Variants in SVEP1 observed in about 807,000 individuals in gnomAD.
SVEP1 encodes the protein sushi, von Willebrand factor type A, EGF and pentraxin domain containing 1.
In SVEP1, 164 loss-of-function variants were observed where a neutral mutation model predicts 367.3. That is an observed-to-expected ratio of 0.45 (90% CI 0.39 to 0.51). The LOEUF (loss-of-function observed/expected upper bound fraction) is 0.51, where lower values mean the gene tolerates loss of function less well. SVEP1 is among the 20% of genes least tolerant of loss of function. The pLI is 0.00. For synonymous variants in SVEP1, 1,666 were observed against 1,611.6 expected, an observed-to-expected ratio of 1.03 and a Z score of -0.81; for missense variants, 4,117 against 4,425.3, an observed-to-expected ratio of 0.93 and a Z score of 1.98.
At chr9:110,573,163 T>C (rs944139237) in intron 1 of SVEP1, among the ~76,000 whole-genome samples, 27 of 150,410 alleles carry the variant, frequency 1.8e-4, no homozygotes, top group Middle Eastern at 3.2e-3. Flanking sequence ...ATTACATAAG[T>C]ACCCCCACCC....
At chr9:110,564,136 A>G (rs1458153841) in intron 1 of SVEP1, among the ~76,000 whole-genome samples, 1 of 152,184 alleles carries the variant, frequency 6.6e-6, no homozygotes. Flanking sequence ...AAATAATTTA[A>G]TGCTATGCTT....
At chr9:110,378,667 C>G (rs1270570184) in intron 44 of SVEP1, among the ~76,000 whole-genome samples, 2 of 144,686 alleles carry the variant, frequency 1.4e-5, no homozygotes, top group Admixed American at 7.2e-5. Context: ...ACATGAAGTC[C>G]TTGCCCATGC....
chr9:110,425,283 G>T (rs148139046), intron 36 of SVEP1, among the ~76,000 whole-genome samples: 12 of 152,172 alleles, frequency 7.9e-5, no homozygotes, highest in Non-Finnish European at 1.3e-4. Flanking sequence ...TTATTGAAAT[G>T]TCATCACTTT....
intron 6 of SVEP1, among the ~76,000 whole-genome samples, chr9:110,501,121 AAAT>A (rs1829522809): frequency 6.8e-6 from 1 of 148,016 alleles, no homozygotes; most frequent in African/African-American, 2.4e-5. Flanking sequence ...ATAAATTATA[AAAT>A]AATACATATA....
intron 42 of SVEP1, 71 bp from the exon 43 acceptor site, chr9:110,386,145 G>C: frequency 2.0e-6 from 3 of 1,521,522 alleles, no homozygotes; most frequent in Non-Finnish European, 2.7e-6. Context: ...TGAAGGTGGA[G>C]TAGTAGTCCT....
At position 110,548,062 on chromosome 9, in the gene SVEP1, C is replaced by T. The variant is rs962633596; in HGVS notation, c.788-1771G>A. ...CAGGAGCTGAAATTTGTTGATAGCACTCATAATTTCATAATCCCATCTGGC... is the reference window on the plus strand; with the variant it reads ...CAGGAGCTGAAATTTGTTGATAGCATTCATAATTTCATAATCCCATCTGGC... On this transcript the variant is annotated intron_variant, in intron 2 of 47. Coordinates refer to ENST00000374469, the MANE Select transcript of SVEP1 (RefSeq NM_153366.4). 2.6e-5 allele frequency among the ~76,000 whole-genome samples: 4 copies of T among 152,140 alleles called. No individual in the cohort carries two copies. The South Asian group carries it at 8.3e-4, about 32-fold the overall frequency.
At chr9:110,506,151 T>A (rs1829623806) in intron 5 of SVEP1, among the ~76,000 whole-genome samples, 1 of 152,184 alleles carries the variant, frequency 6.6e-6, no homozygotes, top group Non-Finnish European at 1.5e-5. Context: ...CATGAACTCA[T>A]CCTTTTCTAT....
At chr9:110,530,696 C>A (rs944048306) in intron 3 of SVEP1, among the ~76,000 whole-genome samples, 1 of 151,938 alleles carries the variant, frequency 6.6e-6, no homozygotes, top group East Asian at 1.9e-4. Flanking sequence ...ACCACAGTGA[C>A]CAGCTAATTT....
At chr9:110,463,975 A>G (rs1191107326) in intron 18 of SVEP1, among the ~76,000 whole-genome samples, 2 of 152,308 alleles carry the variant, frequency 1.3e-5, no homozygotes, top group East Asian at 3.9e-4. Flanking sequence ...GGGAATTATA[A>G]CTCCTTAATT....
At position 110,579,648 on chromosome 9, in the gene SVEP1, G is replaced by C; in HGVS notation, c.-105C>G. ...GAGGGGCGTGCGCGGAGCTGGGCGC[G>C]GGGCAGCGGCCAAGAGCCTCAGCGC... On this transcript the variant is annotated 5_prime_UTR_variant, in exon 1 of 48. Coordinates refer to ENST00000374469, the MANE Select transcript of SVEP1 (RefSeq NM_153366.4). The surrounding 1 kb of genome is among the most constrained non-coding windows in gnomAD (Gnocchi z 5.3). 4 of 1,338,264 alleles carry C rather than the reference G, an allele frequency of 3.0e-6. No individual in the cohort carries two copies. Among genetic ancestry groups the C allele is most frequent in the South Asian group, 3.2e-5 (2 of 62,098 alleles). The allele number at this position is 1,338,264 out of a possible 1,614,324, so 82.9% of individuals were successfully genotyped here.
chr9:110,525,707 A>C (rs958739302), intron 3 of SVEP1, among the ~76,000 whole-genome samples: 10 of 152,210 alleles, frequency 6.6e-5, no homozygotes, highest in Admixed American at 6.6e-4. Flanking sequence ...CAGTATTGAT[A>C]GATCAACAGA....
chr9:110,395,267 A>T (rs1285484166), intron 40 of SVEP1, among the ~76,000 whole-genome samples: 1 of 152,196 alleles, frequency 6.6e-6, no homozygotes, highest in Non-Finnish European at 1.5e-5. Flanking sequence ...TCATAAGTGA[A>T]GGAGAAATAA....
intron 43 of SVEP1, among the ~76,000 whole-genome samples, chr9:110,379,948 G>A (rs1379595338): frequency 6.6e-6 from 1 of 152,122 alleles, no homozygotes; most frequent in African/African-American, 2.4e-5. Context: ...TTTTATTAAT[G>A]CCTAGCATTT....
intron 36 of SVEP1, among the ~76,000 whole-genome samples, chr9:110,423,168 T>TAAAAAAAAAAAAAAA: frequency 4.8e-5 from 5 of 103,636 alleles, no homozygotes; most frequent in East Asian, 2.5e-4. Flanking sequence ...AAAAATAAAG[T>TAAAAAAAAAAAAAAA]AAAAAAAAAA....
chr9:110,526,166 A>G (rs2118802690), intron 3 of SVEP1, among the ~76,000 whole-genome samples: 1 of 152,276 alleles, frequency 6.6e-6, no homozygotes, highest in East Asian at 1.9e-4. Context: ...AATTCATAGA[A>G]ATAAAATTGA....
At chr9:110,505,012 A>G (rs1052456734) in intron 5 of SVEP1, among the ~76,000 whole-genome samples, 4 of 152,178 alleles carry the variant, frequency 2.6e-5, no homozygotes, top group Admixed American at 2.6e-4. Context: ...AGCAGTAGGA[A>G]GGATATTCAC....
Position 110,471,460 on chromosome 9 carries a change from C to G in SVEP1, c.2902G>C (p.Ala968Pro). 3 of 1,613,910 alleles carry G rather than the reference C, an allele frequency of 1.9e-6. No homozygotes were observed. Among genetic ancestry groups the G allele is most frequent in the Middle Eastern group, 1.6e-4 (1 of 6,062 alleles). ...NKDPMYSFQLASEILIADSNS... is the reference protein window; with the variant it reads ...NKDPMYSFQLPSEILIADSNS... ...CTGTCGGCTATAAGTATTTCTGATG[C>G]AAGCTGAAAGGAATACATGGGGTCT... The change falls in exon 16 of 48, where the codon GCA becomes CCA. Residue 968 changes from alanine to proline, a missense_variant. Physicochemically the swap from Ala to Pro is conservative, Grantham distance 27 (BLOSUM62 -1). This residue lies in a region of SVEP1 where 2,174 missense variants were observed against 2,494.3 expected (regional missense o/e 0.87). Transcript: ENST00000374469.
At chr9:110,375,242 A>C in intron 46 of SVEP1, 126 bp downstream of exon 46, 1 of 821,416 alleles carries the variant, frequency 1.2e-6, no homozygotes, top group Non-Finnish European at 1.9e-6. Context: ...ATCTTGAGGA[A>C]TTTTTGAGAA....
chr9:110,487,541 A>C (rs956153074), intron 9 of SVEP1, among the ~76,000 whole-genome samples: 1 of 152,246 alleles, frequency 6.6e-6, no homozygotes, highest in African/African-American at 2.4e-5. Context: ...TACTTTTACC[A>C]AAACCTGTAA....
Sources: allele counts gnomAD v4.1 joint callset (sites outside exome capture counted in the v4.1 genomes callset), GRCh38; gene constraint gnomAD v4.1.1; regional missense constraint gnomAD v4.1.1; non-coding constraint Gnocchi (gnomAD v3.1); transcripts MANE v1.5; gene names NCBI Gene and HGNC (gene_info 2026-07-23, HGNC 2026-07-21).